ACAN: variants seen among roughly 807,000 people sequenced by gnomAD.
ACAN encodes the protein aggrecan core protein.
A neutral mutation model predicts 169.1 loss-of-function variants in ACAN; 47 were observed. That is an observed-to-expected ratio of 0.28 (90% CI 0.22 to 0.35). The LOEUF is 0.35. ACAN is among the 10% of genes least tolerant of loss of function. The probability of loss-of-function intolerance (pLI) is 1.00; values close to 1 mark genes in which losing one functional copy is unlikely to be tolerated. For missense variants in ACAN, 2,716 were observed against 2,759.9 expected (o/e 0.98, Z 0.36); for synonymous variants, 1,115 against 1,112.2 (o/e 1.00, Z -0.05).
rs532736974 is a variant in ACAN at position 88,845,795 on chromosome 15, C to A, written c.1342C>A (p.Pro448Thr). ...CACCAGGCCCTGGGGCTTTCCCACACCTGGCCTGGGCCCTGCCACGGCATT... is the reference window on the plus strand; with the variant it reads ...CACCAGGCCCTGGGGCTTTCCCACAACTGGCCTGGGCCCTGCCACGGCATT... ...EATRPWGFPT[P>T]GLGPATAFTS... Residue 448 changes from proline to threonine, a missense_variant, in exon 7 of 19, where the codon CCT (proline) becomes ACT (threonine). This residue lies in a region of ACAN where 1,283 missense variants were observed against 1,281.5 expected (regional missense o/e 1.00). Transcript: ENST00000560601. 6.3e-7 allele frequency: 1 copy of A among 1,585,826 alleles called. No homozygotes were observed. The highest frequency in any genetic ancestry group is 2.3e-5 in the East Asian group (1 of 44,164).
At chr15:88,836,424 G>A in intron 2 of ACAN, 148 bp downstream of exon 2, 1 of 738,990 alleles carries the variant, frequency 1.4e-6, no homozygotes, top group Non-Finnish European at 2.4e-6. Flanking sequence ...CCCTGTTGAT[G>A]CATGCATAAC....
At chr15:88,826,681 G>C (rs1386278784) in intron 1 of ACAN, among the ~76,000 whole-genome samples, 1 of 152,070 alleles carries the variant, frequency 6.6e-6, no homozygotes, top group Non-Finnish European at 1.5e-5. Flanking sequence ...AGAGATTTGG[G>C]TTTCCCTCTC....
chr15:88,828,802 T>C (rs1352818702), intron 1 of ACAN, among the ~76,000 whole-genome samples: 1 of 152,138 alleles, frequency 6.6e-6, no homozygotes, highest in Non-Finnish European at 1.5e-5. Context: ...ATTTCAGAGA[T>C]GGAAAATCCG....
At chr15:88,827,058 G>C (rs547552357) in intron 1 of ACAN, among the ~76,000 whole-genome samples, 1 of 152,298 alleles carries the variant, frequency 6.6e-6, no homozygotes, top group East Asian at 1.9e-4. Flanking sequence ...AGCTCAGAGA[G>C]GAGTTCCTGA....
Position 88,857,760 on chromosome 15 carries a change from C to T in ACAN, c.5175C>T (p.Val1725=). The part of the protein sequence containing the change: ...LSGQASGSPD[V]SGEIPGLFGV... ...GCCAAGCATCTGGGTCTCCTGATGT[C>T]AGTGGGGAAATACCTGGACTCTTTG... The change falls in exon 12 of 19, where the codon GTC becomes GTT. Residue 1725 remains valine, a synonymous_variant. Coordinates refer to ENST00000560601, the MANE Select transcript of ACAN (RefSeq NM_001369268.1). 2 of 1,613,902 alleles carry T rather than the reference C, an allele frequency of 1.2e-6. No individual in the cohort carries two copies. Among genetic ancestry groups the T allele is most frequent in the Non-Finnish European group, 8.5e-7 (1 of 1,179,886 alleles).
At chr15:88,841,638 T>C in intron 4 of ACAN, 102 bp from the exon 5 acceptor site, 1 of 1,434,906 alleles carries the variant, frequency 7.0e-7, no homozygotes, top group Non-Finnish European at 9.7e-7. Context: ...AAATGCAATA[T>C]TAAGTTGCTG....
rs1296752392 is a variant in ACAN at position 88,849,663 on chromosome 15, T to C, written c.1958T>C (p.Val653Ala). 1 of 1,613,654 alleles carries C rather than the reference T, an allele frequency of 6.2e-7. No homozygotes were observed. Residue 653 changes from valine (V) to alanine (A), a missense_variant, in exon 10 of 19, where the codon GTC becomes GCC. This residue lies in a region of ACAN where 1,283 missense variants were observed against 1,281.5 expected (regional missense o/e 1.00). Transcript: ENST00000560601. This position sits in a 1 kb window ranked among gnomAD's most constrained non-coding sequence, Gnocchi z 5.1. The part of the protein sequence containing the change: ...CGGDKPGVRT[V>A]YLYPNQTGLP... The stretch of plus-strand genomic sequence containing the variant: ...GGGGACAAGCCAGGCGTGAGAACGG[T>C]CTACCTCTACCCTAACCAGACGGGC...
At position 88,860,903 on chromosome 15, in the gene ACAN, C is replaced by G. The variant is rs191971870; in HGVS notation, c.6946+464C>G. ...GTGGGGTTTGGGTCCCCTTCTTGCC[C>G]TGAAGGAAATGACACAAACAACGGT... is the stretch of plus-strand genomic sequence containing the variant. On this transcript the variant is annotated intron_variant, in intron 13 of 18. Coordinates refer to ENST00000560601, the MANE Select transcript of ACAN (RefSeq NM_001369268.1). Among the ~76,000 whole-genome samples the G allele has an allele frequency of 4.0e-3, 603 of 152,162 alleles. 34 individuals are homozygous for G. In the South Asian group the frequency reaches 0.1, roughly 26 times the overall value.
At chr15:88,823,428 G>GT (rs991358058) in intron 1 of ACAN, among the ~76,000 whole-genome samples, 13 of 151,148 alleles carry the variant, frequency 8.6e-5, no homozygotes, top group Admixed American at 6.6e-4. Flanking sequence ...TTTTTTTCTT[G>GT]TTTTTTCTCA....
intron 1 of ACAN, among the ~76,000 whole-genome samples, chr15:88,809,973 G>A (rs1428702461): frequency 6.6e-6 from 1 of 152,158 alleles, no homozygotes; most frequent in Non-Finnish European, 1.5e-5. Flanking sequence ...TAGCCAAAGG[G>A]GTGGATTTGG....
chr15:88,851,713 T>C lies in ACAN; in HGVS notation c.2027-81T>C. On this transcript the variant is annotated intron_variant, in intron 10 of 18. Coordinates refer to ENST00000560601, the MANE Select transcript of ACAN (RefSeq NM_001369268.1). This position sits in a 1 kb window ranked among gnomAD's most constrained non-coding sequence, Gnocchi z 4.3. ...GGGGCCTGGCCACCTCAGAGTCCCC[T>C]AGCTCCCCTCAAGAAGGGCCAGCCA... 1.0e-5 allele frequency: 15 copies of C among 1,477,792 alleles called. No homozygotes were observed. Among genetic ancestry groups the C allele is most frequent in the Non-Finnish European group, 1.4e-5 (15 of 1,108,868 alleles). 91.5% of individuals were successfully genotyped at this position (1,477,792 alleles called of 1,614,324 possible).
rs201755419 is a variant in ACAN, at chr15:88,858,848, G to C, written c.6263G>C (p.Gly2088Ala). 1.5e-4 allele frequency: 236 copies of C among 1,613,356 alleles called. No individual in the cohort carries two copies. The highest frequency in any genetic ancestry group is 1.5e-4 in the Non-Finnish European group (172 of 1,179,606). Residue 2088 changes from glycine to alanine, a missense_variant, in exon 12 of 19, where the codon GGG becomes GCG. Coordinates refer to ENST00000560601, the MANE Select transcript of ACAN (RefSeq NM_001369268.1). The surrounding 1 kb of genome is among the most constrained non-coding windows in gnomAD (Gnocchi z 4.0). ...AGTGGAGCTACCCCAGTGCTCCCTG[G>C]GTCTGGAGTAGAAGTATCATCAGTC... ...DISGATPVLPGSGVEVSSVPE... is the reference protein window; with the variant it reads ...DISGATPVLPASGVEVSSVPE...
At position 88,845,673 on chromosome 15, in the gene ACAN, T is replaced by C; in HGVS notation, c.1220T>C (p.Val407Ala). 6.2e-7 allele frequency: 1 copy of C among 1,613,932 alleles called. No homozygotes were observed. The highest frequency in any genetic ancestry group is 8.5e-7 in the Non-Finnish European group (1 of 1,179,870). ...CTTACCGTAAAGCCCATCTTCGAGG[T>C]CTCCCCCAGTCCCCTGGAACCCGAG... ...VILTVKPIFE[V>A]SPSPLEPEEP... is the part of the protein sequence containing the mutation. The change falls in exon 7 of 19, where the codon GTC becomes GCC. Residue 407 changes from valine (V) to alanine (A), a missense_variant. Coordinates refer to ENST00000560601, the MANE Select transcript of ACAN (RefSeq NM_001369268.1).
intron 11 of ACAN, among the ~76,000 whole-genome samples, chr15:88,854,535 A>T (rs1897004081): frequency 6.6e-6 from 1 of 152,160 alleles, no homozygotes; most frequent in Admixed American, 6.5e-5. Context: ...TGGCCCCCGC[A>T]TCTCACACAA....
At position 88,866,177 on chromosome 15, in the gene ACAN, C is replaced by A. The variant is rs141804742; in HGVS notation, c.6947-2039C>A. Among the ~76,000 whole-genome samples the A allele has an allele frequency of 0.01, 1,535 of 152,278 alleles. 11 individuals carry two copies. The highest frequency in any genetic ancestry group is 0.017 in the South Asian group (83 of 4,828). On this transcript the variant is annotated intron_variant, in intron 13 of 18. Coordinates refer to ENST00000560601, the MANE Select transcript of ACAN (RefSeq NM_001369268.1). The surrounding 1 kb of genome is among the most constrained non-coding windows in gnomAD (Gnocchi z 5.6). ...GCCTCTGAGACAACTGGATACCCCC[C>A]AGCCTGACCTCCGCTGGGGTGTCTT...
In ACAN at chr15:88,857,729, T is replaced by G. The variant is rs1424060208; in HGVS notation, c.5144T>G (p.Leu1715Arg). The change falls in exon 12 of 19, where the codon CTC becomes CGC. Residue 1715 changes from leucine (L) to arginine (R), a missense_variant. By Grantham distance (102) the Leu-to-Arg change is moderately radical. Transcript: ENST00000560601. Reference sequence around the variant, plus strand: ...AGTGGACTCCCTTCAGGAACTGAACTCAGTGGCCAAGCATCTGGGTCTCCT... The same window carrying G: ...AGTGGACTCCCTTCAGGAACTGAACGCAGTGGCCAAGCATCTGGGTCTCCT... ...RASGLPSGTELSGQASGSPDV... is the reference protein window; with the variant it reads ...RASGLPSGTERSGQASGSPDV... 1 of 1,613,962 alleles carries G rather than the reference T, an allele frequency of 6.2e-7. No homozygotes were observed. The highest frequency in any genetic ancestry group is 8.5e-7 in the Non-Finnish European group (1 of 1,179,878).
Position 88,847,406 on chromosome 15 carries a change from C to G in ACAN, c.1593C>G (p.Asp531Glu), listed in dbSNP as rs2141586181. Residue 531 changes from aspartate (D) to glutamate (E), a missense_variant, in exon 8 of 19, where the codon GAC (aspartate) becomes GAG (glutamate). Transcript: ENST00000560601. ...YEQCDAGWLR[D>E]QTVRYPIVSP... ...AGTGTGACGCCGGCTGGCTGCGGGA[C>G]CAGACCGTCAGGTGAAGCCATGCTC... 6.3e-7 allele frequency: 1 copy of G among 1,576,310 alleles called. No homozygotes were observed. Among genetic ancestry groups the G allele is most frequent in the Non-Finnish European group, 8.6e-7 (1 of 1,157,804 alleles).
In ACAN at chr15:88,830,565, G is replaced by GATACACAAATACTTGCCTTTGTGT. The variant is rs543356170; in HGVS notation, c.-7-5620_-7-5597dup. On this transcript the variant is annotated intron_variant, in intron 1 of 18. Transcript: ENST00000560601. ...CCTTTTGTATGTGTAGATAGGTTTA[G>GATACACAAATACTTGCCTTTGTGT]ATACACAAATACTTGCCTTTGTGTA... Among the ~76,000 whole-genome samples, 411 of 152,168 alleles carry GATACACAAATACTTGCCTTTGTGT rather than the reference G, an allele frequency of 2.7e-3. 6 individuals carry two copies. The South Asian group carries it at 0.046, about 17-fold the overall frequency.
chr15:88,841,823 CCAA>C lies in ACAN; in HGVS notation c.715_717del (p.Asn239del), dbSNP rs1896669333. ...GTGAGGACGTATGGCATCCGAGACA[CCAA>C]CGAGACCTATGATGTGTACTGCTTC... On this transcript the variant is annotated inframe_deletion, in exon 5 of 19. Coordinates refer to ENST00000560601, the MANE Select transcript of ACAN (RefSeq NM_001369268.1). 1 of 1,613,378 alleles carries C rather than the reference CCAA, an allele frequency of 6.2e-7. No homozygotes were observed. The highest frequency in any genetic ancestry group is 8.5e-7 in the Non-Finnish European group (1 of 1,179,782).
Sources: gnomAD v4.1 joint callset for allele counts (sites outside exome capture counted in the v4.1 genomes callset) on GRCh38, gnomAD v4.1.1 for gene constraint, gnomAD v4.1.1 regional missense constraint, Gnocchi (gnomAD v3.1) non-coding constraint, MANE v1.5 for transcripts, NCBI Gene and HGNC (gene_info 2026-07-23, HGNC 2026-07-21) for gene names.